The following DECR2 variants were observed in gnomAD, a reference collection of about 807,000 sequenced individuals.
The protein encoded by DECR2 is peroxisomal 2,4-dienoyl-CoA reductase [(3E)-enoyl-CoA-producing].
In DECR2, 34 loss-of-function variants were observed where a neutral mutation model predicts 29.2. The observed-to-expected ratio is 1.16, with a 90% CI of 0.89 to 1.55. The LOEUF (loss-of-function observed/expected upper bound fraction) is 1.55, where lower values mean the gene tolerates loss of function less well. Among genes scored for constraint, DECR2 ranks in the 40% most tolerant of loss-of-function variants. The pLI is 0.00. For synonymous variants in DECR2, 224 were observed against 182.7 expected (o/e 1.23, Z -1.82); for missense variants, 485 against 425.3 (o/e 1.14, Z -1.23).
In DECR2 at chr16:405,209, T is replaced by G. The variant is rs2054710847; in HGVS notation, c.149+185T>G. 5.9e-6 allele frequency: 4 copies of G among 681,870 alleles called. No individual in the cohort carries two copies. The East Asian group carries it at 8.2e-5, about 14-fold the overall frequency. The allele number at this position is 681,870 out of a possible 1,614,324, so 42.2% of individuals were successfully genotyped here. Reference sequence around the variant, plus strand: ...GGATTGCCCTGGGGGGAGTCAGGACTTCAAGGCCCCTACAGGTCAGTGGAG... The same window carrying G: ...GGATTGCCCTGGGGGGAGTCAGGACGTCAAGGCCCCTACAGGTCAGTGGAG... On this transcript the variant is annotated intron_variant, in intron 2 of 8. Coordinates refer to ENST00000219481, the MANE Select transcript of DECR2 (RefSeq NM_020664.4).
At position 405,452 on chromosome 16, in the gene DECR2, A is replaced by T. The variant is rs1038583860; in HGVS notation, c.149+428A>T. The T allele has an allele frequency of 3.5e-5, 40 of 1,156,674 alleles. No homozygotes were observed. The African/African-American group carries it at 6.3e-4, about 18-fold the overall frequency. The allele number at this position is 1,156,674 out of a possible 1,614,324, so 71.7% of individuals were successfully genotyped here. The stretch of plus-strand genomic sequence containing the variant: ...TTCCCCTGAGGCCCCTGCTTTTCAG[A>T]CCAAAAAGGTGAGTCCCACAGGAAG... On this transcript the variant is annotated intron_variant, in intron 2 of 8. Transcript: ENST00000219481.
rs762931506 is a variant in DECR2, at chr16:407,481, C to T, written c.258C>T (p.Asp86=). Residue 86 remains aspartate, a synonymous_variant, in exon 4 of 9, where the codon GAC becomes GAT. Coordinates refer to ENST00000219481, the MANE Select transcript of DECR2 (RefSeq NM_020664.4). ...GGCGCTGCCTCCCTCTCTCTATGGA[C>T]GTCCGAGCGCCCCCAGCTGTCATGG... The part of the protein sequence containing the change: ...TGRRCLPLSM[D]VRAPPAVMAA... 3.7e-6 allele frequency: 6 copies of T among 1,613,594 alleles called. No individual in the cohort carries two copies. The highest frequency in any genetic ancestry group is 2.7e-5 in the African/African-American group (2 of 74,932).
chr16:402,137 A>G, intron 1 of DECR2, 94 bp downstream of exon 1: 1 of 1,013,516 alleles, frequency 9.9e-7, no homozygotes, highest in Non-Finnish European at 1.3e-6. Context: ...CTCGCGTGTT[A>G]GGAAACCTGT....
In DECR2 at chr16:410,345, T is replaced by C. The variant is rs376506167; in HGVS notation, c.440T>C (p.Val147Ala). The C allele has an allele frequency of 2.4e-5, 38 of 1,611,554 alleles. No homozygotes were observed. In the Middle Eastern group the frequency reaches 5.2e-4, roughly 22 times the overall value. ...DTSGTFNVSRVLYEKFFRDHG... is the reference protein window; with the variant it reads ...DTSGTFNVSRALYEKFFRDHG... ...AGCGGCACCTTCAATGTGTCTCGTGTGCTCTATGAGAAGTTCTTCCGGGTG... is the reference window on the plus strand; with the variant it reads ...AGCGGCACCTTCAATGTGTCTCGTGCGCTCTATGAGAAGTTCTTCCGGGTG... Residue 147 changes from valine to alanine, a missense_variant, in exon 5 of 9, where the codon GTG becomes GCG. Coordinates refer to ENST00000219481, the MANE Select transcript of DECR2 (RefSeq NM_020664.4). This position sits in a 1 kb window ranked among gnomAD's most constrained non-coding sequence, Gnocchi z 4.1.
At chr16:409,835 G>A (rs74000578) in intron 4 of DECR2, 2,045 of 169,072 alleles carry the variant, frequency 0.012, 46 homozygotes, top group African/African-American at 0.046. Flanking sequence ...TCCCGGGCTC[G>A]GAGACCGTCG....
chr16:405,402 G>A, intron 2 of DECR2: 1 of 653,364 alleles, frequency 1.5e-6, no homozygotes, highest in Non-Finnish European at 2.3e-6. Context: ...TTAGGCTGGG[G>A]TGGGGGAAAG....
chr16:405,337 A>G (rs1296489093), intron 2 of DECR2: 2 of 542,266 alleles, frequency 3.7e-6, no homozygotes, highest in African/African-American at 1.9e-5. Flanking sequence ...CTGGGACACA[A>G]TTCTGTGGCT....
chr16:407,953 C>G, intron 4 of DECR2, among the ~76,000 whole-genome samples: 1 of 80,934 alleles, frequency 1.2e-5, no homozygotes, highest in African/African-American at 5.5e-5. Context: ...GCCCCTGTCT[C>G]CAGGCCTCTG....
In DECR2 at chr16:411,472, C is replaced by A. The variant is rs767544136; in HGVS notation, c.773C>A (p.Ser258Tyr). The change falls in exon 8 of 9, where the codon TCC becomes TAC. Residue 258 changes from serine to tyrosine, a missense_variant. By Grantham distance (144) the Ser-to-Tyr change is moderately radical. Coordinates refer to ENST00000219481, the MANE Select transcript of DECR2 (RefSeq NM_020664.4). ...SVLYLASPLA[S>Y]YVTGAVLVAD... ...CTCTACCTGGCCAGCCCTCTGGCTT[C>A]CTACGTGACGGGGGCCGTGCTGGTG... 1.4e-5 allele frequency: 22 copies of A among 1,613,832 alleles called. No homozygotes were observed. The Admixed American group carries it at 1.5e-4, about 11-fold the overall frequency.
At chr16:407,581 GT>G (rs1015893333) in intron 4 of DECR2, 21 bp downstream of exon 4, 1 of 1,612,730 alleles carries the variant, frequency 6.2e-7, no homozygotes, top group African/African-American at 1.3e-5. Context: ...GCTGAGTGAG[GT>G]TGGTGGCTTC....
rs2054809998 is a variant in DECR2 at position 410,856 on chromosome 16, G to A, written c.556+72G>A. The A allele has an allele frequency of 2.0e-6, 3 of 1,522,380 alleles. No individual in the cohort carries two copies. The highest frequency in any genetic ancestry group is 4.0e-5 in the Admixed American group (2 of 50,500). 94.3% of individuals were successfully genotyped at this position (1,522,380 alleles called of 1,614,324 possible). A position where few individuals can be genotyped will look rare whatever the true frequency, so the allele number is the denominator to read the frequency against. ...TGGGCCGTCTGCTTCCATCCCAGGA[G>A]GCCAGCAGTCTCCACTTGAAGCTGA... On this transcript the variant is annotated intron_variant, in intron 6 of 8. Transcript: ENST00000219481. This position sits in a 1 kb window ranked among gnomAD's most constrained non-coding sequence, Gnocchi z 4.1.
chr16:411,249 CACTG>C, intron 7 of DECR2, 108 bp from the exon 8 acceptor site: 1 of 1,240,236 alleles, frequency 8.1e-7, no homozygotes, highest in Non-Finnish European at 1.1e-6. Flanking sequence ...GCCTTGGTGA[CACTG>C]ACTGTGTCCT....
chr16:411,129 G>A, intron 7 of DECR2, 53 bp downstream of exon 7: 1 of 1,430,924 alleles, frequency 7.0e-7, no homozygotes, highest in South Asian at 1.5e-5. Flanking sequence ...TGGGGCACAG[G>A]GTGCCCATGA....
rs1362511080 is a variant in DECR2 at position 411,004 on chromosome 16, G to A, written c.589G>A (p.Gly197Ser). ...AMTRHLAVEW[G>S]PQNIRVNSLA... ...GACGCGGCACTTGGCTGTGGAGTGG[G>A]GTCCCCAAAACATCCGCGTCAACAG... The change falls in exon 7 of 9, where the codon GGT (glycine) becomes AGT (serine). Residue 197 changes from glycine (G) to serine (S), a missense_variant. Physicochemically the swap from Gly to Ser is moderately conservative, Grantham distance 56. Coordinates refer to ENST00000219481, the MANE Select transcript of DECR2 (RefSeq NM_020664.4). The A allele has an allele frequency of 1.9e-6, 3 of 1,604,168 alleles. No homozygotes were observed. The highest frequency in any genetic ancestry group is 2.2e-5 in the East Asian group (1 of 44,500).
chr16:411,089 G>T lies in DECR2; in HGVS notation c.661+13G>T. 6.7e-7 allele frequency: 1 copy of T among 1,498,688 alleles called. No homozygotes were observed. Among genetic ancestry groups the T allele is most frequent in the African/African-American group, 1.4e-5 (1 of 71,298 alleles). 92.8% of individuals were successfully genotyped at this position (1,498,688 alleles called of 1,614,324 possible). A position where few individuals can be genotyped will look rare whatever the true frequency, so the allele number is the denominator to read the frequency against. On this transcript the variant is annotated intron_variant, in intron 7 of 8. Coordinates refer to ENST00000219481, the MANE Select transcript of DECR2 (RefSeq NM_020664.4). ...CTCCGGCGACTGGGTAAGGCTCTCAGGGAGCCCAGGCCTCCCACAGATCCT... is the reference window on the plus strand; with the variant it reads ...CTCCGGCGACTGGGTAAGGCTCTCATGGAGCCCAGGCCTCCCACAGATCCT...
intron 4 of DECR2, among the ~76,000 whole-genome samples, chr16:407,832 C>T (rs1384946670): frequency 4.2e-5 from 6 of 144,564 alleles, no homozygotes; most frequent in East Asian, 2.1e-4. Context: ...GCCGCATCTC[C>T]GGCCCCCTGT....
At position 411,368 on chromosome 16, in the gene DECR2, T is replaced by G. The variant is rs1227781381; in HGVS notation, c.669T>G (p.Pro223=). 3.7e-6 allele frequency: 6 copies of G among 1,606,782 alleles called. No individual in the cohort carries two copies. Among genetic ancestry groups the G allele is most frequent in the Non-Finnish European group, 5.1e-6 (6 of 1,179,052 alleles). Residue 223 remains proline (P), a synonymous_variant, in exon 8 of 9, where the codon CCT becomes CCG. Transcript: ENST00000219481. ...GTEGLRRLGG[P]QASLSTKVTA... is the part of the protein sequence containing the mutation. ...CCTTCTGCTGCCCTCCAGGTGGCCC[T>G]CAGGCCAGCCTGAGCACCAAGGTCA...
chr16:403,669 A>G (rs1430136874), intron 1 of DECR2, among the ~76,000 whole-genome samples: 2 of 152,214 alleles, frequency 1.3e-5, no homozygotes, highest in Non-Finnish European at 2.9e-5. Flanking sequence ...TGTCAGCACA[A>G]GTTCAGGACC....
chr16:407,279 G>A (rs1474625768), intron 3 of DECR2, 146 bp from the exon 4 acceptor site: 3 of 1,453,392 alleles, frequency 2.1e-6, no homozygotes, highest in East Asian at 2.4e-5. Flanking sequence ...GTGGGCACTT[G>A]CAGGCTGTGC....
Sources: allele counts gnomAD v4.1 joint callset (sites outside exome capture counted in the v4.1 genomes callset), GRCh38; gene constraint gnomAD v4.1.1; non-coding constraint Gnocchi (gnomAD v3.1); transcripts MANE v1.5; gene names NCBI Gene and HGNC (gene_info 2026-07-23, HGNC 2026-07-21).